Variants in DCLK2 observed in about 807,000 individuals in gnomAD.
DCLK2 encodes doublecortin like kinase 2.
A neutral mutation model predicts 78.4 loss-of-function variants in DCLK2; 31 were observed. The observed-to-expected ratio is 0.40, with a 90% CI of 0.30 to 0.53. The LOEUF is 0.53. Ranked by LOEUF, DCLK2 falls within the 20% of genes least tolerant of loss-of-function variation. The probability of loss-of-function intolerance (pLI) is 0.61; values close to 1 mark genes in which losing one functional copy is unlikely to be tolerated. For synonymous variants in DCLK2, 407 were observed against 374.9 expected (o/e 1.09, Z -0.99); for missense variants, 872 against 973.7 (o/e 0.90, Z 1.39).
At chr4:150,134,612 A>G (rs1452541461) in intron 2 of DCLK2, among the ~76,000 whole-genome samples, 2 of 152,146 alleles carry the variant, frequency 1.3e-5, no homozygotes, top group Non-Finnish European at 2.9e-5. Flanking sequence ...TAAGTTGCTT[A>G]TATTACTTTG....
intron 2 of DCLK2, among the ~76,000 whole-genome samples, chr4:150,159,696 A>G (rs1046370532): frequency 6.6e-6 from 1 of 152,216 alleles, no homozygotes; most frequent in Non-Finnish European, 1.5e-5. Context: ...CACGAAGGTA[A>G]ATTGAATTGG....
chr4:150,107,932 CT>C (rs1731389592), intron 2 of DCLK2, among the ~76,000 whole-genome samples: 1 of 152,040 alleles, frequency 6.6e-6, no homozygotes, highest in Non-Finnish European at 1.5e-5. Flanking sequence ...GATCTCACTA[CT>C]GCATGCCAGC....
In DCLK2 at chr4:150,256,661, C is replaced by T. The variant is rs538040813; in HGVS notation, c.*414C>T. ...CTTATTTAAGTAGACTCAGAACACT[C>T]CCTTTCTTTTCTTTTCTCTCTCTCT... On this transcript the variant is annotated 3_prime_UTR_variant, in exon 16 of 16. Transcript: ENST00000296550. 6.0e-6 allele frequency: 1 copy of T among 165,762 alleles called. No individual in the cohort carries two copies. Among genetic ancestry groups the T allele is most frequent in the Admixed American group, 6.6e-5 (1 of 15,240 alleles). The allele number at this position is 165,762 out of a possible 1,614,324, so 10.3% of individuals were successfully genotyped here. A position where few individuals can be genotyped will look rare whatever the true frequency, so the allele number is the denominator to read the frequency against.
intron 5 of DCLK2, among the ~76,000 whole-genome samples, chr4:150,211,063 G>A (rs1740275411): frequency 6.6e-6 from 1 of 152,130 alleles, no homozygotes; most frequent in South Asian, 2.1e-4. Flanking sequence ...AAATTCAGGA[G>A]CAGCTTAACT....
chr4:150,208,841 T>G lies in DCLK2; in HGVS notation c.1056+4952T>G, dbSNP rs539729029. Among the ~76,000 whole-genome samples the G allele has an allele frequency of 2.0e-5, 3 of 152,270 alleles. No individual in the cohort carries two copies. In the East Asian group the frequency reaches 5.8e-4, roughly 29 times the overall value. ...TACAATAACAGAGTTCACAATAGTT[T>G]AGCGTTTTTGGTTTTCTTTGGAAGA... On this transcript the variant is annotated intron_variant, in intron 5 of 15. Transcript: ENST00000296550.
At chr4:150,249,155 T>A (rs990661468) in intron 14 of DCLK2, among the ~76,000 whole-genome samples, 5 of 151,482 alleles carry the variant, frequency 3.3e-5, no homozygotes, top group Non-Finnish European at 5.9e-5. Context: ...CATTTTTTTT[T>A]ATTATAAGCA....
intron 8 of DCLK2, 74 bp downstream of exon 8, chr4:150,224,632 T>G: frequency 7.8e-7 from 1 of 1,276,532 alleles, no homozygotes; most frequent in South Asian, 1.4e-5. Context: ...GATGAAGGAA[T>G]TTAAGTGGGG....
At chr4:150,145,606 G>T (rs1734414766) in intron 2 of DCLK2, among the ~76,000 whole-genome samples, 1 of 152,160 alleles carries the variant, frequency 6.6e-6, no homozygotes, top group African/African-American at 2.4e-5. Context: ...AAACAATTAA[G>T]AGTACCTACC....
intron 2 of DCLK2, among the ~76,000 whole-genome samples, chr4:150,160,497 C>T (rs1165131919): frequency 6.6e-6 from 1 of 152,084 alleles, no homozygotes; most frequent in Non-Finnish European, 1.5e-5. Context: ...TGTTGTTGTC[C>T]CTGGGCAATT....
At chr4:150,212,926 G>C (rs1740420491) in intron 5 of DCLK2, among the ~76,000 whole-genome samples, 1 of 152,202 alleles carries the variant, frequency 6.6e-6, no homozygotes, top group African/African-American at 2.4e-5. Flanking sequence ...GTGGCTGCTT[G>C]TAGTAGCCTC....
At chr4:150,198,714 G>A (rs1474518557) in intron 4 of DCLK2, among the ~76,000 whole-genome samples, 3 of 152,040 alleles carry the variant, frequency 2.0e-5, no homozygotes, top group African/African-American at 7.2e-5. Flanking sequence ...GATTTTATGG[G>A]TTTGTTTATA....
chr4:150,141,909 T>C (rs1245866021), intron 2 of DCLK2, among the ~76,000 whole-genome samples: 1 of 152,218 alleles, frequency 6.6e-6, no homozygotes, highest in East Asian at 1.9e-4. Context: ...ACCATACAGC[T>C]ATAATTATAA....
At chr4:150,155,715 C>T (rs1735222073) in intron 2 of DCLK2, among the ~76,000 whole-genome samples, 2 of 152,024 alleles carry the variant, frequency 1.3e-5, no homozygotes, top group African/African-American at 4.8e-5. Flanking sequence ...TTATGGTGGG[C>T]ATTGTACATC....
At chr4:150,222,865 C>CA (rs879903066) in intron 7 of DCLK2, among the ~76,000 whole-genome samples, 3,766 of 123,122 alleles carry the variant, frequency 0.031, 121 homozygotes, top group African/African-American at 0.085. Flanking sequence ...GACTGTGTCT[C>CA]AAAAAAAAAA....
intron 2 of DCLK2, among the ~76,000 whole-genome samples, chr4:150,135,165 T>TACACACACACACACACACACAC (rs57866267): frequency 0.02 from 2,938 of 146,828 alleles, 31 homozygotes; most frequent in African/African-American, 0.026. Flanking sequence ...CATACACGTG[T>TACACACACACACACACACACAC]ACACACACAC....
intron 2 of DCLK2, among the ~76,000 whole-genome samples, chr4:150,119,620 C>T (rs1222476460): frequency 6.6e-6 from 1 of 152,192 alleles, no homozygotes; most frequent in African/African-American, 2.4e-5. Context: ...CCTCTTACCA[C>T]CTCCACCTCT....
At chr4:150,131,855 C>T (rs1158981307) in intron 2 of DCLK2, among the ~76,000 whole-genome samples, 1 of 152,080 alleles carries the variant, frequency 6.6e-6, no homozygotes, top group African/African-American at 2.4e-5. Flanking sequence ...TTGAGACTAA[C>T]CCCTTTTGTA....
chr4:150,092,612 G>C (rs1416111264), intron 1 of DCLK2, among the ~76,000 whole-genome samples: 1 of 152,030 alleles, frequency 6.6e-6, no homozygotes, highest in Non-Finnish European at 1.5e-5. Flanking sequence ...TGTCTATTCA[G>C]ATCCTTTCTC....
chr4:150,248,479 G>A (rs1042412224), intron 14 of DCLK2, 94 bp downstream of exon 14: 1 of 1,009,766 alleles, frequency 9.9e-7, no homozygotes, highest in Non-Finnish European at 1.6e-6. Flanking sequence ...CAAAAGTTAT[G>A]CATCCAAGCT....
Sources: allele counts gnomAD v4.1 joint callset (sites outside exome capture counted in the v4.1 genomes callset), GRCh38; gene constraint gnomAD v4.1.1; transcripts MANE v1.5; gene names NCBI Gene and HGNC (gene_info 2026-07-23, HGNC 2026-07-21).